The following SMG7 variants were observed in gnomAD, a reference collection of about 807,000 sequenced individuals.
SMG7 encodes the protein SMG7 nonsense mediated mRNA decay factor, also known as nonsense-mediated mRNA decay factor SMG7.
A neutral mutation model predicts 148.2 loss-of-function variants in SMG7; 34 were observed. That is an observed-to-expected ratio of 0.23 (90% confidence interval 0.17 to 0.31). The LOEUF (loss-of-function observed/expected upper bound fraction) is 0.31, where lower values mean the gene tolerates loss of function less well. Ranked by LOEUF, SMG7 falls within the 10% of genes least tolerant of loss-of-function variation. The pLI is 1.00. For missense variants in SMG7, 1,114 were observed against 1,408.4 expected (o/e 0.79, Z 3.35); for synonymous variants, 492 against 515.1 (o/e 0.96, Z 0.61).
chr1:183,477,831 T>TATAC (rs1250527434), intron 1 of SMG7, among the ~76,000 whole-genome samples: 2 of 152,168 alleles, frequency 1.3e-5, no homozygotes, highest in Non-Finnish European at 2.9e-5. Flanking sequence ...TGTGTGTATA[T>TATAC]ATACATATAT....
At position 183,527,363 on chromosome 1, in the gene SMG7, T is replaced by C. The variant is rs1666063659; in HGVS notation, c.485-593T>C. ...ACAAAGAATGGAGAACATTACTGCT[T>C]TTAAGTTTGAAATTTTAGATTTCTT... On this transcript the variant is annotated intron_variant, in intron 5 of 22. Coordinates refer to ENST00000688051, the MANE Select transcript of SMG7 (RefSeq NM_001375584.1). This position sits in a 1 kb window ranked among gnomAD's most constrained non-coding sequence, Gnocchi z 4.0. Among the ~76,000 whole-genome samples, 2 of 152,226 alleles carry C rather than the reference T, an allele frequency of 1.3e-5. No individual in the cohort carries two copies. The highest frequency in any genetic ancestry group is 4.1e-4 in the South Asian group (2 of 4,832).
intron 4 of SMG7, among the ~76,000 whole-genome samples, chr1:183,524,800 T>C (rs1665502268): frequency 6.6e-6 from 1 of 152,210 alleles, no homozygotes; most frequent in Non-Finnish European, 1.5e-5. Context: ...GAGACAAATT[T>C]ATCAGATAAC....
At position 183,529,046 on chromosome 1, in the gene SMG7, G is replaced by A. The variant is rs763684935; in HGVS notation, c.707+4G>A. On this transcript the variant is annotated splice_donor_region_variant and intron_variant, in intron 7 of 22. Coordinates refer to ENST00000688051, the MANE Select transcript of SMG7 (RefSeq NM_001375584.1). ...CACTTTCTAAAGCACTGGAAAGGTA[G>A]GGTTGTTTGGTTTTTTTTTTCTCTT... is the stretch of plus-strand genomic sequence containing the variant. The A allele has an allele frequency of 4.4e-6, 7 of 1,589,882 alleles. No homozygotes were observed. The highest frequency in any genetic ancestry group is 6.0e-6 in the Non-Finnish European group (7 of 1,173,010).
intron 1 of SMG7, among the ~76,000 whole-genome samples, chr1:183,490,245 A>G (rs554673141): frequency 2.0e-5 from 3 of 152,340 alleles, no homozygotes; most frequent in South Asian, 2.1e-4. Flanking sequence ...CAGTAGCTAT[A>G]TATATTGTCT....
In SMG7 at chr1:183,472,541, C is replaced by G; in HGVS notation, c.-80C>G. On this transcript the variant is annotated 5_prime_UTR_variant, in exon 1 of 23. Transcript: ENST00000688051. ...GAAGATGGCGGCGGCCGCCAGCACC[C>G]GCGGTGCCGCGGGGCCGCTCCGAGG... 1 of 1,316,192 alleles carries G rather than the reference C, an allele frequency of 7.6e-7. No homozygotes were observed. The allele number at this position is 1,316,192 out of a possible 1,614,324, so 81.5% of individuals were successfully genotyped here.
At chr1:183,531,799 T>C (rs1034438092) in intron 8 of SMG7, among the ~76,000 whole-genome samples, 3 of 152,186 alleles carry the variant, frequency 2.0e-5, no homozygotes, top group African/African-American at 7.2e-5. Flanking sequence ...AAGAAACTGC[T>C]TTTTGAGAAA....
Position 183,526,637 on chromosome 1 carries a change from A to T in SMG7, c.354A>T (p.Pro118=), listed in dbSNP as rs201265701. ...ELCTVFNVDL[P]CRVKSSQLGI... ...GTACAGTATTTAATGTAGATTTACC[A>T]TGCCGTGTGAAGTCTTCCCAATTGG... Residue 118 remains proline (P), a synonymous_variant, in exon 5 of 23, where the codon CCA becomes CCT. Coordinates refer to ENST00000688051, the MANE Select transcript of SMG7 (RefSeq NM_001375584.1). The T allele has an allele frequency of 8.3e-5, 134 of 1,613,462 alleles. No individual in the cohort carries two copies. The East Asian group carries it at 2.9e-3, about 35-fold the overall frequency.
chr1:183,542,929 G>A (rs12059746), intron 14 of SMG7, among the ~76,000 whole-genome samples: 74 of 44,274 alleles, frequency 1.7e-3, no homozygotes, highest in African/African-American at 4.3e-3. Context: ...ATATATATAT[G>A]TGTGTGTGTG....
chr1:183,480,380 C>G (rs1430345241), intron 1 of SMG7, among the ~76,000 whole-genome samples: 1 of 152,038 alleles, frequency 6.6e-6, no homozygotes, highest in Non-Finnish European at 1.5e-5. Context: ...ATCTACTTTT[C>G]CTTAATCCCT....
chr1:183,538,516 G>A, intron 12 of SMG7, 76 bp downstream of exon 12: 2 of 995,884 alleles, frequency 2.0e-6, no homozygotes, highest in Non-Finnish European at 3.2e-6. Flanking sequence ...GGGCTTGGAT[G>A]TAGAGGAACC....
intron 1 of SMG7, among the ~76,000 whole-genome samples, chr1:183,495,784 C>T (rs1658336712): frequency 6.6e-6 from 1 of 152,036 alleles, no homozygotes; most frequent in Admixed American, 6.6e-5. Context: ...AAGAGAATCG[C>T]TTGAACCCAG....
chr1:183,547,065 C>T (rs1248460110), intron 17 of SMG7, 38 bp from the exon 18 acceptor site: 2 of 1,533,840 alleles, frequency 1.3e-6, no homozygotes, highest in Non-Finnish European at 1.8e-6. Flanking sequence ...CTTTTGTTAT[C>T]CCTTATTGCT....
Position 183,553,328 on chromosome 1 carries a change from A to G in SMG7, c.*1397A>G, listed in dbSNP as rs940540075. On this transcript the variant is annotated 3_prime_UTR_variant, in exon 23 of 23. Transcript: ENST00000688051. ...ATTTTAAGGGGAAATTATGGAAACA[A>G]TCTAATTGTTCAATTGCTGTGCTAG... The G allele has an allele frequency of 6.9e-6, 7 of 1,014,596 alleles. No homozygotes were observed. Among genetic ancestry groups the G allele is most frequent in the Admixed American group, 2.8e-5 (1 of 36,316 alleles). 62.8% of individuals were successfully genotyped at this position (1,014,596 alleles called of 1,614,324 possible).
At chr1:183,526,148 A>G (rs1015588117) in intron 4 of SMG7, among the ~76,000 whole-genome samples, 130 of 26,562 alleles carry the variant, frequency 4.9e-3, no homozygotes, top group African/African-American at 0.028. Context: ...ATATATATAT[A>G]TATATATATT....
intron 4 of SMG7, among the ~76,000 whole-genome samples, chr1:183,524,819 A>AT (rs1665504325): frequency 6.6e-6 from 1 of 152,204 alleles, no homozygotes; most frequent in African/African-American, 2.4e-5. Context: ...ACCTAGGGAA[A>AT]TAAGTTACGT....
intron 11 of SMG7, 45 bp downstream of exon 11, chr1:183,537,260 A>C (rs1430610656): frequency 7.3e-7 from 1 of 1,365,442 alleles, no homozygotes; most frequent in East Asian, 2.3e-5. Context: ...GTTCTCCATC[A>C]TTAATGGTGG....
intron 1 of SMG7, among the ~76,000 whole-genome samples, chr1:183,487,470 A>T (rs1350687629): frequency 6.6e-6 from 1 of 152,178 alleles, no homozygotes; most frequent in East Asian, 1.9e-4. Flanking sequence ...GATAAAATTC[A>T]AGGTTCTGGG....
At position 183,510,307 on chromosome 1, in the gene SMG7, C is replaced by T. The variant is rs142202078; in HGVS notation, c.30-2530C>T. ...CCAATAGGATTTTTCAGGGGAGGAGCGACATTTGTGACATTGGTAGGATAG... is the reference window on the plus strand; with the variant it reads ...CCAATAGGATTTTTCAGGGGAGGAGTGACATTTGTGACATTGGTAGGATAG... On this transcript the variant is annotated intron_variant, in intron 1 of 22. Transcript: ENST00000688051. Among the ~76,000 whole-genome samples the T allele has an allele frequency of 3.9e-3, 593 of 151,940 alleles. 6 individuals are homozygous for T. The highest frequency in any genetic ancestry group is 0.027 in the Admixed American group (410 of 15,284).
At chr1:183,529,634 A>G in intron 8 of SMG7, 101 bp downstream of exon 8, 1 of 867,570 alleles carries the variant, frequency 1.2e-6, no homozygotes, top group Non-Finnish European at 1.8e-6. Context: ...TAACTGTGTG[A>G]ACTATTGGTA....
Sources: gnomAD v4.1 joint callset for allele counts (sites outside exome capture counted in the v4.1 genomes callset) on GRCh38, gnomAD v4.1.1 for gene constraint, Gnocchi (gnomAD v3.1) non-coding constraint, MANE v1.5 for transcripts, NCBI Gene and HGNC (gene_info 2026-07-23, HGNC 2026-07-21) for gene names.